The following THSD4 variants were observed in gnomAD, a reference collection of about 807,000 sequenced individuals.
The protein encoded by THSD4 is thrombospondin type 1 domain containing 4.
THSD4 carries 69 observed loss-of-function variants against 119.0 expected under a neutral mutation model. The observed-to-expected ratio is 0.58, with a 90% CI of 0.48 to 0.71. The LOEUF is 0.71. Among genes scored for constraint, THSD4 ranks in the 30% least tolerant of loss-of-function variants. The pLI is 0.00. For synonymous variants in THSD4, 524 were observed against 540.4 expected (o/e 0.97, Z 0.42); for missense variants, 1,393 against 1,391.1 (o/e 1.00, Z -0.02).
intron 7 of THSD4, among the ~76,000 whole-genome samples, chr15:71,537,437 C>T (rs928807594): frequency 1.3e-5 from 2 of 152,106 alleles, no homozygotes; most frequent in Non-Finnish European, 2.9e-5. Context: ...CCCTTGGTTG[C>T]TTCTATTCAG....
chr15:71,136,059 T>C (rs1310111500), intron 1 of THSD4, among the ~76,000 whole-genome samples: 1 of 142,562 alleles, frequency 7.0e-6, no homozygotes, highest in Non-Finnish European at 1.5e-5. Flanking sequence ...CAATCATCTT[T>C]CCCCAAACCC....
At chr15:71,368,699 A>T (rs546177969) in intron 6 of THSD4, among the ~76,000 whole-genome samples, 56 of 152,252 alleles carry the variant, frequency 3.7e-4, no homozygotes, top group African/African-American at 1.3e-3. Context: ...CTTGTAGTAT[A>T]GTTTGAAGTC....
chr15:71,134,218 C>T (rs2040528903), intron 1 of THSD4, among the ~76,000 whole-genome samples: 1 of 152,222 alleles, frequency 6.6e-6, no homozygotes, highest in East Asian at 1.9e-4. Context: ...GGGAACATTC[C>T]TCTGGCTGTC....
chr15:71,523,696 G>A (rs2048475645), intron 7 of THSD4, among the ~76,000 whole-genome samples: 1 of 152,150 alleles, frequency 6.6e-6, no homozygotes, highest in Non-Finnish European at 1.5e-5. Context: ...AGGAGCCATG[G>A]GAATAAAGAG....
chr15:71,148,808 G>C (rs891514599), intron 2 of THSD4, among the ~76,000 whole-genome samples: 8 of 152,212 alleles, frequency 5.3e-5, no homozygotes, highest in African/African-American at 1.7e-4. Flanking sequence ...CCAAGGGTCT[G>C]ACCGCCTGTG....
intron 7 of THSD4, among the ~76,000 whole-genome samples, chr15:71,446,700 T>C (rs2047186375): frequency 6.6e-6 from 1 of 152,128 alleles, no homozygotes; most frequent in Admixed American, 6.5e-5. Flanking sequence ...GGTAGTGTCA[T>C]CAAGGACAAG....
chr15:71,276,406 G>C (rs751255890), intron 6 of THSD4, among the ~76,000 whole-genome samples: 12 of 152,156 alleles, frequency 7.9e-5, no homozygotes, highest in Admixed American at 1.3e-4. Context: ...TTATTATCCT[G>C]ACTCTTCCCT....
At chr15:71,663,560 C>A (rs1235788869) in intron 8 of THSD4, among the ~76,000 whole-genome samples, 3 of 152,176 alleles carry the variant, frequency 2.0e-5, no homozygotes, top group Non-Finnish European at 4.4e-5. Context: ...TTGAAGTGTA[C>A]GTTGGTTACG....
chr15:71,642,785 C>G (rs933091848), intron 7 of THSD4, among the ~76,000 whole-genome samples: 5 of 150,902 alleles, frequency 3.3e-5, no homozygotes, highest in African/African-American at 7.3e-5. Flanking sequence ...GAACATCACA[C>G]TCTGGGGACT....
At chr15:71,753,055 G>C (rs1484144365) in intron 14 of THSD4, among the ~76,000 whole-genome samples, 1 of 152,162 alleles carries the variant, frequency 6.6e-6, no homozygotes, top group African/African-American at 2.4e-5. Context: ...ATTAAAGTTC[G>C]CAAACACTTA....
At chr15:71,159,545 G>C (rs980347131) in intron 3 of THSD4, among the ~76,000 whole-genome samples, 3 of 152,094 alleles carry the variant, frequency 2.0e-5, no homozygotes, top group Non-Finnish European at 4.4e-5. Flanking sequence ...TTGTTTGTGT[G>C]TACCATTGTT....
rs759148345 is a variant in THSD4, at chr15:71,748,418, C to T, written c.2242-3C>T. The T allele has an allele frequency of 1.1e-5, 18 of 1,614,052 alleles. No individual in the cohort carries two copies. The South Asian group carries it at 1.9e-4, about 17-fold the overall frequency. ...CCCCTGACGTCAGTGTGCTGTGTTT[C>T]AGTGCTCGGTGCCCTGCGGCGTGGG... is the stretch of plus-strand genomic sequence containing the variant. On this transcript the variant is annotated splice_polypyrimidine_tract_variant and splice_region_variant and intron_variant, in intron 13 of 17. Coordinates refer to ENST00000261862, the MANE Select transcript of THSD4 (RefSeq NM_024817.3).
chr15:71,398,010 C>T (rs958034639), intron 6 of THSD4, among the ~76,000 whole-genome samples: 3 of 152,140 alleles, frequency 2.0e-5, no homozygotes, highest in Admixed American at 1.3e-4. Flanking sequence ...TTTCACTTTT[C>T]TGGGTGTCAG....
intron 7 of THSD4, among the ~76,000 whole-genome samples, chr15:71,491,560 A>C (rs2047920034): frequency 1.3e-5 from 2 of 152,330 alleles, no homozygotes; most frequent in Admixed American, 1.3e-4. Context: ...TGGACTTCCC[A>C]GCCTCTAGAG....
chr15:71,704,145 GC>G (rs1419172736), intron 8 of THSD4, among the ~76,000 whole-genome samples: 1 of 152,148 alleles, frequency 6.6e-6, no homozygotes, highest in Non-Finnish European at 1.5e-5. Context: ...ACTGCGCCTG[GC>G]CTGAAAAACT....
rs1230096759 is a variant in THSD4, at chr15:71,171,723, A to G, written c.99+16791A>G. Among the ~76,000 whole-genome samples, 3 of 152,350 alleles carry G rather than the reference A, an allele frequency of 2.0e-5. No individual in the cohort carries two copies. In the East Asian group the frequency reaches 5.8e-4, roughly 29 times the overall value. On this transcript the variant is annotated intron_variant, in intron 3 of 17. Transcript: ENST00000261862. ...TATGTGTATAAGTAAATTATGTATG[A>G]CAGTAATAGTATAAATGCCAGAAAA...
intron 7 of THSD4, among the ~76,000 whole-genome samples, chr15:71,619,610 T>C (rs980998336): frequency 6.6e-6 from 1 of 152,218 alleles, no homozygotes; most frequent in Non-Finnish European, 1.5e-5. Context: ...TTGGTGATAA[T>C]ATACATTGAA....
intron 3 of THSD4, among the ~76,000 whole-genome samples, chr15:71,166,545 C>G (rs2043296275): frequency 6.6e-6 from 1 of 152,098 alleles, no homozygotes. Context: ...AGGATTCCAG[C>G]TTACTTTTTC....
At chr15:71,558,933 TG>T (rs2140875999) in intron 7 of THSD4, among the ~76,000 whole-genome samples, 1 of 152,342 alleles carries the variant, frequency 6.6e-6, no homozygotes, top group African/African-American at 2.4e-5. Flanking sequence ...TGTGCGATGC[TG>T]ATTTTTCTGA....
Sources: gnomAD v4.1 joint callset for allele counts (sites outside exome capture counted in the v4.1 genomes callset) on GRCh38, gnomAD v4.1.1 for gene constraint, MANE v1.5 for transcripts, NCBI Gene and HGNC (gene_info 2026-07-23, HGNC 2026-07-21) for gene names.